Variants in ARHGAP15 observed in about 807,000 individuals in gnomAD.
ARHGAP15 encodes the protein Rho GTPase activating protein 15.
In ARHGAP15, 51 loss-of-function variants were observed where a neutral mutation model predicts 63.7. The ratio of observed to expected loss-of-function variants is 0.80; its 90% confidence interval spans 0.64 to 1.01. ARHGAP15 has a LOEUF of 1.01. Ranked by LOEUF, ARHGAP15 falls within the 50% of genes least tolerant of loss-of-function variation. The probability of loss-of-function intolerance (pLI) is 0.00; values close to 1 mark genes in which losing one functional copy is unlikely to be tolerated. For missense variants in ARHGAP15, 560 were observed against 564.6 expected (o/e 0.99, Z 0.08); for synonymous variants, 191 against 193.8 (o/e 0.99, Z 0.12).
At chr2:143,362,017 C>G (rs1686077888) in intron 6 of ARHGAP15, among the ~76,000 whole-genome samples, 2 of 152,158 alleles carry the variant, frequency 1.3e-5, no homozygotes, top group African/African-American at 4.8e-5. Flanking sequence ...ATCCTGGAAG[C>G]CTACCTACAA....
intron 8 of ARHGAP15, among the ~76,000 whole-genome samples, chr2:143,459,509 G>A (rs1011981740): frequency 6.6e-6 from 1 of 152,076 alleles, no homozygotes; most frequent in Non-Finnish European, 1.5e-5. Context: ...TCATAATCAT[G>A]TAGATATAAA....
chr2:143,651,888 G>C (rs886087322), intron 12 of ARHGAP15, among the ~76,000 whole-genome samples: 7 of 151,790 alleles, frequency 4.6e-5, no homozygotes, highest in Non-Finnish European at 7.4e-5. Flanking sequence ...AAAATATTTT[G>C]CCCAGTTTTA....
intron 5 of ARHGAP15, among the ~76,000 whole-genome samples, chr2:143,235,389 G>A (rs1693605235): frequency 6.6e-6 from 1 of 151,958 alleles, no homozygotes. Context: ...ATGAACAATG[G>A]CATAAAACTG....
At chr2:143,469,035 A>G (rs551123935) in intron 8 of ARHGAP15, among the ~76,000 whole-genome samples, 2 of 152,238 alleles carry the variant, frequency 1.3e-5, no homozygotes, top group African/African-American at 4.8e-5. Flanking sequence ...ATGAGAATTT[A>G]TATTTTTTTA....
At chr2:143,439,247 AC>A (rs1180688960) in intron 8 of ARHGAP15, among the ~76,000 whole-genome samples, 1 of 151,624 alleles carries the variant, frequency 6.6e-6, no homozygotes, top group Admixed American at 6.6e-5. Flanking sequence ...ACATGGTGAA[AC>A]CCTGTCTCTA....
At chr2:143,307,758 A>C (rs1683241649) in intron 6 of ARHGAP15, among the ~76,000 whole-genome samples, 1 of 152,150 alleles carries the variant, frequency 6.6e-6, no homozygotes, top group Non-Finnish European at 1.5e-5. Flanking sequence ...GCTGAACATT[A>C]GGGGGTCTCA....
At chr2:143,601,985 C>G (rs1697788610) in intron 11 of ARHGAP15, among the ~76,000 whole-genome samples, 1 of 152,104 alleles carries the variant, frequency 6.6e-6, no homozygotes, top group African/African-American at 2.4e-5. Flanking sequence ...CATTCTTTTC[C>G]TCTTTATTGA....
intron 1 of ARHGAP15, among the ~76,000 whole-genome samples, chr2:143,147,975 G>T (rs891444419): frequency 1.3e-5 from 2 of 152,012 alleles, no homozygotes; most frequent in Admixed American, 6.6e-5. Flanking sequence ...TTAGAAAGGG[G>T]TTATACCTTA....
chr2:143,198,448 T>A (rs567195102), intron 2 of ARHGAP15, among the ~76,000 whole-genome samples: 1 of 151,924 alleles, frequency 6.6e-6, no homozygotes, highest in Non-Finnish European at 1.5e-5. Flanking sequence ...AATTACTTAT[T>A]TAATTATATT....
Position 143,623,408 on chromosome 2 carries a change from T to C in ARHGAP15, c.1004-725T>C, listed in dbSNP as rs865974002. On this transcript the variant is annotated intron_variant, in intron 11 of 13. Transcript: ENST00000295095. ...ATATTTCTGTTGTTTCTAAAAAGAG[T>C]TGGTAAGCACTTGTGGTTTGTCTTT... Among the ~76,000 whole-genome samples, 11 of 152,258 alleles carry C rather than the reference T, an allele frequency of 7.2e-5. No homozygotes were observed. In the Middle Eastern group the frequency reaches 0.014, roughly 188 times the overall value.
chr2:143,422,431 T>G lies in ARHGAP15; in HGVS notation c.475-13170T>G, dbSNP rs569170742. Reference sequence around the variant, plus strand: ...TGATGAAGCAGGCAAAAAACTATAGTTGGGACAACTACTATGGAAAAGTTT... The same window carrying G: ...TGATGAAGCAGGCAAAAAACTATAGGTGGGACAACTACTATGGAAAAGTTT... On this transcript the variant is annotated intron_variant, in intron 6 of 13. Coordinates refer to ENST00000295095, the MANE Select transcript of ARHGAP15 (RefSeq NM_018460.4). 2.6e-5 allele frequency among the ~76,000 whole-genome samples: 4 copies of G among 152,168 alleles called. No individual in the cohort carries two copies. The South Asian group carries it at 6.2e-4, about 24-fold the overall frequency.
intron 12 of ARHGAP15, among the ~76,000 whole-genome samples, chr2:143,633,967 A>G (rs1266097369): frequency 2.0e-5 from 3 of 151,910 alleles, no homozygotes; most frequent in Non-Finnish European, 2.9e-5. Context: ...CCTATTTCCC[A>G]TATTCATTTT....
intron 6 of ARHGAP15, among the ~76,000 whole-genome samples, chr2:143,269,357 C>CGG (rs1281713900): frequency 1.3e-5 from 2 of 152,122 alleles, no homozygotes; most frequent in Non-Finnish European, 2.9e-5. Context: ...ATGAGTCTTA[C>CGG]GGAAGTCATG....
chr2:143,296,338 T>G (rs1447737597), intron 6 of ARHGAP15, among the ~76,000 whole-genome samples: 1 of 152,070 alleles, frequency 6.6e-6, no homozygotes, highest in Non-Finnish European at 1.5e-5. Context: ...GCACTTCTGC[T>G]TTTGTGATGC....
chr2:143,247,942 T>C (rs1447746988), intron 5 of ARHGAP15, among the ~76,000 whole-genome samples: 2 of 152,244 alleles, frequency 1.3e-5, no homozygotes, highest in Non-Finnish European at 2.9e-5. Flanking sequence ...TGCATTTTGG[T>C]ATTTTTCCTT....
chr2:143,346,411 A>G (rs551684694), intron 6 of ARHGAP15, among the ~76,000 whole-genome samples: 2 of 152,112 alleles, frequency 1.3e-5, no homozygotes, highest in East Asian at 1.9e-4. Context: ...CCATTTCACA[A>G]ACACCACGGA....
chr2:143,250,447 A>G (rs1680099506), intron 5 of ARHGAP15, 64 bp from the exon 6 acceptor site: 5 of 1,289,428 alleles, frequency 3.9e-6, no homozygotes, highest in South Asian at 1.2e-5. Context: ...ATAAACTCCT[A>G]TTTCTCTGAC....
intron 1 of ARHGAP15, among the ~76,000 whole-genome samples, chr2:143,139,977 A>T (rs1258308527): frequency 6.6e-6 from 1 of 152,170 alleles, no homozygotes. Flanking sequence ...TGATGTATGT[A>T]AAGATGTTTA....
intron 10 of ARHGAP15, among the ~76,000 whole-genome samples, chr2:143,540,286 T>G (rs1694986167): frequency 6.6e-6 from 1 of 152,138 alleles, no homozygotes; most frequent in Admixed American, 6.6e-5. Flanking sequence ...CTGCACGTGA[T>G]GGGTTTCCTG....
Sources: gnomAD v4.1 joint callset for allele counts (sites outside exome capture counted in the v4.1 genomes callset) on GRCh38, gnomAD v4.1.1 for gene constraint, MANE v1.5 for transcripts, NCBI Gene and HGNC (gene_info 2026-07-23, HGNC 2026-07-21) for gene names.